ANKS1B: variants seen among roughly 807,000 people sequenced by gnomAD.
The protein encoded by ANKS1B is ankyrin repeat and sterile alpha motif domain containing 1B.
ANKS1B carries 36 observed loss-of-function variants against 148.3 expected under a neutral mutation model. The observed-to-expected ratio is 0.24, with a 90% CI of 0.19 to 0.32. The LOEUF is 0.32. Ranked by LOEUF, ANKS1B falls within the 10% of genes least tolerant of loss-of-function variation. ANKS1B has a pLI of 1.00. For synonymous variants in ANKS1B, 542 were observed against 560.8 expected (o/e 0.97, Z 0.47); for missense variants, 1,157 against 1,542.6 (o/e 0.75, Z 4.19).
chr12:99,891,557 T>C (rs537890952), intron 1 of ANKS1B, among the ~76,000 whole-genome samples: 126 of 150,252 alleles, frequency 8.4e-4, no homozygotes, highest in East Asian at 9.6e-4. Context: ...CTAATGACTA[T>C]TTATGTTGAG....
intron 12 of ANKS1B, among the ~76,000 whole-genome samples, chr12:99,290,003 A>T (rs2079709331): frequency 6.6e-6 from 1 of 151,826 alleles, no homozygotes; most frequent in Admixed American, 6.6e-5. Flanking sequence ...TTTTGAAAAG[A>T]TAAACAAAAA....
chr12:99,654,987 C>T lies in ANKS1B; in HGVS notation c.1272+80G>A, dbSNP rs1185561637. 2.0e-5 allele frequency: 28 copies of T among 1,417,562 alleles called. No individual in the cohort carries two copies. In the South Asian group the frequency reaches 2.5e-4, roughly 13 times the overall value. The allele number at this position is 1,417,562 out of a possible 1,614,324, so 87.8% of individuals were successfully genotyped here. On this transcript the variant is annotated intron_variant, in intron 9 of 26. Transcript: ENST00000683438. Reference sequence around the variant, plus strand: ...GTGAACAAGATCCTAATTTGATTTTCGAAGGGGAGGGAGATTTTATCTTAA... The same window carrying T: ...GTGAACAAGATCCTAATTTGATTTTTGAAGGGGAGGGAGATTTTATCTTAA...
In ANKS1B at chr12:98,902,256, A is replaced by G. The variant is rs2099773148; in HGVS notation, c.2779-70120T>C. The stretch of plus-strand genomic sequence containing the variant: ...AGCCACAGCTAAGATTTTTGCTTGC[A>G]GCCTTTGCTTAGAACTGGCCCCTGA... On this transcript the variant is annotated intron_variant, in intron 17 of 26. Coordinates refer to ENST00000683438, the MANE Select transcript of ANKS1B (RefSeq NM_001352186.2). Among the ~76,000 whole-genome samples the G allele has an allele frequency of 2.0e-5, 3 of 152,242 alleles. No individual in the cohort carries two copies. The South Asian group carries it at 6.2e-4, about 31-fold the overall frequency.
intron 11 of ANKS1B, among the ~76,000 whole-genome samples, chr12:99,417,512 A>AT (rs766479285): frequency 1.5e-3 from 220 of 151,402 alleles, no homozygotes; most frequent in Non-Finnish European, 2.1e-3. Flanking sequence ...TTCTCTTTCG[A>AT]TTTTTTTTTA....
intron 2 of ANKS1B, among the ~76,000 whole-genome samples, chr12:99,823,762 G>T (rs1350758426): frequency 6.6e-6 from 1 of 152,180 alleles, no homozygotes; most frequent in Non-Finnish European, 1.5e-5. Context: ...GATAATTTTT[G>T]TATATGGTGA....
intron 9 of ANKS1B, among the ~76,000 whole-genome samples, chr12:99,512,197 GA>G (rs1482783031): frequency 6.6e-6 from 1 of 151,742 alleles, no homozygotes; most frequent in African/African-American, 2.4e-5. Flanking sequence ...AATCTATAAG[GA>G]AGTTAAATAT....
downstream of ANKS1B, among the ~76,000 whole-genome samples, chr12:98,741,325 A>C (rs2097797604): frequency 6.6e-6 from 1 of 152,212 alleles, no homozygotes; most frequent in South Asian, 2.1e-4. Context: ...GCTTTGTGGA[A>C]TCTCAGAAAG....
At chr12:99,332,654 A>G (rs1016562876) in intron 12 of ANKS1B, among the ~76,000 whole-genome samples, 1 of 151,630 alleles carries the variant, frequency 6.6e-6, no homozygotes, top group African/African-American at 2.4e-5. Flanking sequence ...GGTTTTTAGA[A>G]ATGGAAAAGT....
intron 12 of ANKS1B, among the ~76,000 whole-genome samples, chr12:99,289,884 C>T (rs1233340713): frequency 6.6e-6 from 1 of 151,292 alleles, no homozygotes; most frequent in Non-Finnish European, 1.5e-5. Context: ...AAAGCTAGAA[C>T]AAAACAAACA....
intron 1 of ANKS1B, among the ~76,000 whole-genome samples, chr12:99,897,673 A>G (rs1467708926): frequency 6.6e-6 from 1 of 151,070 alleles, no homozygotes; most frequent in South Asian, 2.1e-4. Context: ...TTAACAAACA[A>G]GTATGCTATT....
rs1326601176 is a variant in ANKS1B, at chr12:99,450,529, GT to G, written c.1439-6721del. Among the ~76,000 whole-genome samples, 5 of 151,866 alleles carry G rather than the reference GT, an allele frequency of 3.3e-5. No homozygotes were observed. In the South Asian group the frequency reaches 8.3e-4, roughly 25 times the overall value. On this transcript the variant is annotated intron_variant, in intron 10 of 26. Transcript: ENST00000683438. ...ACTGTAAGCCAACAGCTTCTTGAAT[GT>G]TTTTTTTCTGAGTATTTTAATACAT...
At chr12:99,902,573 G>A (rs1004938236) in intron 1 of ANKS1B, among the ~76,000 whole-genome samples, 2 of 152,286 alleles carry the variant, frequency 1.3e-5, no homozygotes, top group South Asian at 2.1e-4. Flanking sequence ...ATATAGTTAA[G>A]AGGATGGATG....
chr12:99,273,934 G>A (rs1180445562), intron 12 of ANKS1B, among the ~76,000 whole-genome samples: 1 of 151,812 alleles, frequency 6.6e-6, no homozygotes, highest in Non-Finnish European at 1.5e-5. Context: ...TGTATTTTAT[G>A]CATGGCCTGA....
intron 12 of ANKS1B, among the ~76,000 whole-genome samples, chr12:99,377,385 C>T (rs932692019): frequency 6.6e-6 from 1 of 152,110 alleles, no homozygotes; most frequent in African/African-American, 2.4e-5. Flanking sequence ...TATACTCTGG[C>T]TTTTGTGGGG....
At chr12:99,946,286 T>A (rs536193937) in intron 1 of ANKS1B, among the ~76,000 whole-genome samples, 1 of 152,180 alleles carries the variant, frequency 6.6e-6, no homozygotes, top group East Asian at 1.9e-4. Flanking sequence ...CTTTATCAGA[T>A]ATGTAAGCCT....
chr12:99,552,889 T>C (rs2097235917), intron 9 of ANKS1B, among the ~76,000 whole-genome samples: 1 of 152,188 alleles, frequency 6.6e-6, no homozygotes, highest in African/African-American at 2.4e-5. Context: ...TACTATATTG[T>C]TTAGGGAATA....
At chr12:99,218,802 G>A (rs1339235174) in intron 14 of ANKS1B, among the ~76,000 whole-genome samples, 1 of 152,158 alleles carries the variant, frequency 6.6e-6, no homozygotes, top group Non-Finnish European at 1.5e-5. Context: ...CTCATAATAA[G>A]TGCCAACCTA....
At chr12:98,827,988 A>G (rs1425131317) in intron 19 of ANKS1B, among the ~76,000 whole-genome samples, 1 of 152,234 alleles carries the variant, frequency 6.6e-6, no homozygotes, top group African/African-American at 2.4e-5. Flanking sequence ...TATTTAAAAG[A>G]GCACCAGTGA....
chr12:99,642,449 G>A (rs73387917), intron 9 of ANKS1B, among the ~76,000 whole-genome samples: 15,051 of 152,176 alleles, frequency 0.099, 1,256 homozygotes, highest in East Asian at 0.24. Flanking sequence ...CAGTTATTGG[G>A]ATCAAAAGTT....
Sources: allele counts gnomAD v4.1 joint callset (sites outside exome capture counted in the v4.1 genomes callset), GRCh38; gene constraint gnomAD v4.1.1; transcripts MANE v1.5; gene names NCBI Gene and HGNC (gene_info 2026-07-23, HGNC 2026-07-21).